DNAJC6: variants seen among roughly 807,000 people sequenced by gnomAD.
DNAJC6 encodes the protein DnaJ heat shock protein family (Hsp40) member C6, also known as auxilin.
DNAJC6 carries 34 observed loss-of-function variants against 110.0 expected under a neutral mutation model. That is an observed-to-expected ratio of 0.31 (90% CI 0.24 to 0.41). DNAJC6 has a LOEUF of 0.41. Ranked by LOEUF, DNAJC6 falls within the 10% of genes least tolerant of loss-of-function variation. The pLI, the probability that DNAJC6 is intolerant of heterozygous loss-of-function variation, is 1.00. For missense variants in DNAJC6, 1,031 were observed against 1,207.8 expected (o/e 0.85, Z 2.17); for synonymous variants, 406 against 437.2 (o/e 0.93, Z 0.89).
intron 1 of DNAJC6, among the ~76,000 whole-genome samples, chr1:65,328,508 T>TTGTACTCATTTGCATG (rs1645260168): frequency 6.6e-6 from 1 of 152,232 alleles, no homozygotes; most frequent in African/African-American, 2.4e-5. Flanking sequence ...CCCTAGTTTC[T>TTGTACTCATTTGCATG]TGTACTCATT....
At chr1:65,287,623 G>A (rs549757251) in intron 1 of DNAJC6, among the ~76,000 whole-genome samples, 1 of 152,042 alleles carries the variant, frequency 6.6e-6, no homozygotes, top group African/African-American at 2.4e-5. Context: ...TTTTTTTGAG[G>A]CATGGTCTTA....
At chr1:65,301,675 C>T (rs1012647267) in intron 1 of DNAJC6, among the ~76,000 whole-genome samples, 1 of 152,296 alleles carries the variant, frequency 6.6e-6, no homozygotes, top group Admixed American at 6.5e-5. Flanking sequence ...GGTGCACCAT[C>T]CTCCAGGAAC....
At chr1:65,298,482 C>T (rs534562684) in intron 1 of DNAJC6, among the ~76,000 whole-genome samples, 42 of 152,134 alleles carry the variant, frequency 2.8e-4, no homozygotes, top group East Asian at 1.5e-3. Flanking sequence ...TACTTTGCCA[C>T]AATTCTAGTA....
upstream of DNAJC6, among the ~76,000 whole-genome samples, chr1:65,305,491 T>G (rs2101323266): frequency 6.6e-6 from 1 of 152,350 alleles, no homozygotes; most frequent in East Asian, 1.9e-4. Context: ...GAAAATACTT[T>G]ATAATTTACT....
chr1:65,340,012 C>G (rs1013712571), intron 1 of DNAJC6, among the ~76,000 whole-genome samples: 2 of 152,202 alleles, frequency 1.3e-5, no homozygotes, highest in East Asian at 1.9e-4. Flanking sequence ...TATATAGACT[C>G]TATGAGTCAT....
At chr1:65,289,105 A>C (rs989667996) in intron 1 of DNAJC6, among the ~76,000 whole-genome samples, 3 of 152,172 alleles carry the variant, frequency 2.0e-5, no homozygotes, top group African/African-American at 7.2e-5. Context: ...AGTTTTACAA[A>C]GTGGTTGTAC....
chr1:65,324,074 TC>T (rs1645219720), intron 1 of DNAJC6, among the ~76,000 whole-genome samples: 1 of 152,236 alleles, frequency 6.6e-6, no homozygotes, highest in Admixed American at 6.5e-5. Flanking sequence ...TCCTGAGGTT[TC>T]TTCAAGGTGG....
At position 65,411,423 on chromosome 1, in the gene DNAJC6, T is replaced by C. The variant is rs1192033804; in HGVS notation, c.2808T>C (p.Asp936=). The change falls in exon 18 of 19, where the codon GAT becomes GAC. Residue 936 remains aspartate, a synonymous_variant. Coordinates refer to ENST00000371069, the MANE Select transcript of DNAJC6 (RefSeq NM_001256864.2). ...YRKAVLVVHP[D]KATGQPYEQY... is the part of the protein sequence containing the mutation. ...AGGCTGTCCTGGTGGTGCACCCAGA[T>C]AAAGTGGGTATAACCTGCCCTGTTG... 8.7e-6 allele frequency: 14 copies of C among 1,613,466 alleles called. No individual in the cohort carries two copies. Among genetic ancestry groups the C allele is most frequent in the Non-Finnish European group, 9.3e-6 (11 of 1,179,646 alleles).
chr1:65,352,456 G>A (rs1349961486), intron 1 of DNAJC6, among the ~76,000 whole-genome samples: 1 of 152,116 alleles, frequency 6.6e-6, no homozygotes, highest in Non-Finnish European at 1.5e-5. Context: ...GTGCCACAGA[G>A]CCTGCCTGCT....
At chr1:65,344,802 A>T (rs1645421854) in intron 1 of DNAJC6, among the ~76,000 whole-genome samples, 1 of 152,148 alleles carries the variant, frequency 6.6e-6, no homozygotes, top group Admixed American at 6.6e-5. Context: ...CATGGGATCC[A>T]GGGAGGGACC....
intron 4 of DNAJC6, among the ~76,000 whole-genome samples, chr1:65,376,741 A>G (rs1486710329): frequency 6.7e-6 from 1 of 149,486 alleles, no homozygotes; most frequent in African/African-American, 2.5e-5. Context: ...GATGCTTGGT[A>G]TGATTTCTAT....
At chr1:65,395,428 C>G (rs1383750126) in intron 13 of DNAJC6, among the ~76,000 whole-genome samples, 1 of 152,092 alleles carries the variant, frequency 6.6e-6, no homozygotes, top group Non-Finnish European at 1.5e-5. Context: ...GAAAATATGT[C>G]TTAAATAAAT....
chr1:65,361,449 A>G (rs1470013910), intron 1 of DNAJC6, among the ~76,000 whole-genome samples: 2 of 152,322 alleles, frequency 1.3e-5, no homozygotes, highest in Middle Eastern at 3.4e-3. Context: ...ATTTATAGAT[A>G]TATGTATGAA....
At chr1:65,403,007 G>A (rs1646043875) in intron 15 of DNAJC6, among the ~76,000 whole-genome samples, 1 of 151,946 alleles carries the variant, frequency 6.6e-6, no homozygotes, top group Non-Finnish European at 1.5e-5. Flanking sequence ...TGCCTTCTAG[G>A]TGCTAGGACT....
chr1:65,344,643 G>A (rs1645420348), intron 1 of DNAJC6, among the ~76,000 whole-genome samples: 1 of 152,132 alleles, frequency 6.6e-6, no homozygotes, highest in African/African-American at 2.4e-5. Context: ...TGCAATTAAT[G>A]AGCCCTCATG....
chr1:65,405,451 T>TA (rs1646066493), intron 15 of DNAJC6, among the ~76,000 whole-genome samples: 1 of 152,224 alleles, frequency 6.6e-6, no homozygotes, highest in Admixed American at 6.5e-5. Flanking sequence ...TGTCATTTGG[T>TA]GGTTTTTTTT....
chr1:65,367,361 T>G (rs930864734), intron 4 of DNAJC6, among the ~76,000 whole-genome samples: 1 of 152,198 alleles, frequency 6.6e-6, no homozygotes, highest in Non-Finnish European at 1.5e-5. Context: ...AATGAAGATT[T>G]TAAATGCATC....
At chr1:65,392,299 T>G in intron 11 of DNAJC6, 132 bp from the exon 12 acceptor site, 1 of 797,262 alleles carries the variant, frequency 1.3e-6, no homozygotes, top group Non-Finnish European at 1.9e-6. Flanking sequence ...TTCCACTGAT[T>G]AGGGTCTAAA....
rs548220943 is a variant in DNAJC6 at position 65,382,637 on chromosome 1, A to T, written c.667-1556A>T. On this transcript the variant is annotated intron_variant, in intron 5 of 18. Coordinates refer to ENST00000371069, the MANE Select transcript of DNAJC6 (RefSeq NM_001256864.2). ...TTAACATGTCATCTGGAAAAAATCT[A>T]GGGGTTTTAGTGGATAGAGAGAATA... 3.3e-5 allele frequency among the ~76,000 whole-genome samples: 5 copies of T among 152,336 alleles called. No individual in the cohort carries two copies. In the South Asian group the frequency reaches 1.0e-3, roughly 32 times the overall value.
Sources: allele counts gnomAD v4.1 joint callset (sites outside exome capture counted in the v4.1 genomes callset), GRCh38; gene constraint gnomAD v4.1.1; transcripts MANE v1.5; gene names NCBI Gene and HGNC (gene_info 2026-07-23, HGNC 2026-07-21).